Variants in WDR47 observed in about 807,000 individuals in gnomAD.
The protein encoded by WDR47 is WD repeat domain 47.
In WDR47, 32 loss-of-function variants were observed where a neutral mutation model predicts 97.2. The ratio of observed to expected loss-of-function variants is 0.33; its 90% CI spans 0.25 to 0.44. The LOEUF (loss-of-function observed/expected upper bound fraction) is 0.44, where lower values mean the gene tolerates loss of function less well. WDR47 is among the 20% of genes least tolerant of loss of function. WDR47 has a pLI of 1.00. For synonymous variants in WDR47, 375 were observed against 373.5 expected (o/e 1.00, Z -0.05); for missense variants, 782 against 1,102.3 (o/e 0.71, Z 4.11).
At chr1:108,986,060 T>C (rs1658775931) in intron 10 of WDR47, among the ~76,000 whole-genome samples, 1 of 150,464 alleles carries the variant, frequency 6.6e-6, no homozygotes, top group African/African-American at 2.4e-5. Context: ...TCTTAAGAGG[T>C]GTAAAAGAGT....
chr1:109,035,094 C>A (rs28566473), intron 1 of WDR47, among the ~76,000 whole-genome samples: 145,876 of 148,782 alleles, frequency 0.98, 71,556 homozygotes, highest in East Asian at 1. Flanking sequence ...AAAAAAAAAA[C>A]AATTAGCCAG....
chr1:108,992,901 G>C, intron 8 of WDR47: 1 of 1,182,808 alleles, frequency 8.5e-7, no homozygotes, highest in Non-Finnish European at 1.2e-6. Context: ...AAATAGAGGT[G>C]AGGAAATTGC....
At chr1:109,012,572 C>CAAA (rs57237933) in intron 4 of WDR47, among the ~76,000 whole-genome samples, 17,192 of 73,768 alleles carry the variant, frequency 0.23, 3,432 homozygotes, top group Middle Eastern at 0.33. Flanking sequence ...GACTCCATCT[C>CAAA]AAAAAAAAAA....
intron 2 of WDR47, among the ~76,000 whole-genome samples, chr1:109,020,873 C>T (rs1661786187): frequency 7.3e-6 from 1 of 137,904 alleles, no homozygotes; most frequent in Non-Finnish European, 1.5e-5. Context: ...TTTTCATAAG[C>T]TAGGAACACT....
At chr1:108,979,940 T>C (rs185238110) in intron 13 of WDR47, among the ~76,000 whole-genome samples, 1 of 152,252 alleles carries the variant, frequency 6.6e-6, no homozygotes, top group East Asian at 1.9e-4. Context: ...GAGTGACAAA[T>C]GAGTGAGCAT....
At chr1:108,985,976 CAA>C (rs35165386) in intron 10 of WDR47, among the ~76,000 whole-genome samples, 16 of 96,110 alleles carry the variant, frequency 1.7e-4, no homozygotes, top group Admixed American at 2.3e-4. Flanking sequence ...ATAGAGATAG[CAA>C]AAAAAAAAAA....
At chr1:109,016,377 G>C (rs938341591) in intron 3 of WDR47, among the ~76,000 whole-genome samples, 7 of 152,122 alleles carry the variant, frequency 4.6e-5, no homozygotes, top group Non-Finnish European at 2.9e-5. Flanking sequence ...ACTCCAGCCT[G>C]GGCAACAGAA....
chr1:109,026,917 T>C (rs571221838), intron 1 of WDR47, among the ~76,000 whole-genome samples: 6 of 152,122 alleles, frequency 3.9e-5, no homozygotes, highest in Non-Finnish European at 8.8e-5. Flanking sequence ...TACTGACAGT[T>C]GAAGGTAACA....
intron 13 of WDR47, among the ~76,000 whole-genome samples, chr1:108,975,925 A>C (rs996449993): frequency 2.6e-5 from 4 of 152,196 alleles, no homozygotes; most frequent in African/African-American, 9.7e-5. Context: ...TTAGAGGAAA[A>C]GTATAAAACA....
chr1:109,021,501 C>A (rs1432523557), intron 2 of WDR47, among the ~76,000 whole-genome samples: 1 of 134,260 alleles, frequency 7.4e-6, no homozygotes, highest in Non-Finnish European at 1.5e-5. Context: ...GCACCCCAGC[C>A]TAGGTGACAA....
chr1:108,972,775 G>A (rs1657566244), intron 14 of WDR47, among the ~76,000 whole-genome samples: 1 of 152,044 alleles, frequency 6.6e-6, no homozygotes, highest in Admixed American at 6.6e-5. Context: ...GTGAAACTCT[G>A]TCTCTACTAA....
At chr1:109,007,424 G>A (rs1459212370) in intron 5 of WDR47, among the ~76,000 whole-genome samples, 2 of 151,976 alleles carry the variant, frequency 1.3e-5, no homozygotes, top group Non-Finnish European at 2.9e-5. Context: ...GCCTCCCAAA[G>A]TGCTGGGATT....
At chr1:109,041,054 C>T (rs891841228) in intron 1 of WDR47, among the ~76,000 whole-genome samples, 3 of 151,780 alleles carry the variant, frequency 2.0e-5, no homozygotes, top group Non-Finnish European at 4.4e-5. Flanking sequence ...CGGTTACTAA[C>T]TGCACGTCTG....
chr1:108,989,694 G>A (rs1659167685), intron 9 of WDR47, among the ~76,000 whole-genome samples: 1 of 152,152 alleles, frequency 6.6e-6, no homozygotes, highest in African/African-American at 2.4e-5. Context: ...GTCCTCCAGA[G>A]TGTTTTAAAT....
intron 2 of WDR47, among the ~76,000 whole-genome samples, chr1:109,021,068 T>A (rs1661802445): frequency 6.6e-6 from 1 of 152,164 alleles, no homozygotes; most frequent in South Asian, 2.1e-4. Context: ...ATATTTGGTA[T>A]CTCATAAAAA....
intron 1 of WDR47, among the ~76,000 whole-genome samples, chr1:109,036,240 C>A (rs978874705): frequency 6.6e-6 from 1 of 152,024 alleles, no homozygotes; most frequent in African/African-American, 2.4e-5. Context: ...TTCCCACTCC[C>A]GTCATCCTCC....
intron 9 of WDR47, among the ~76,000 whole-genome samples, chr1:108,988,863 T>C (rs999525109): frequency 6.6e-6 from 1 of 152,084 alleles, no homozygotes; most frequent in African/African-American, 2.4e-5. Flanking sequence ...GTTCAAGCGA[T>C]TCTCCTGCCT....
rs931798231 is a variant in WDR47, at chr1:108,971,073, A to G, written c.*357T>C. 5.6e-6 allele frequency: 1 copy of G among 177,128 alleles called. No homozygotes were observed. Among genetic ancestry groups the G allele is most frequent in the African/African-American group, 2.4e-5 (1 of 42,548 alleles). The allele number at this position is 177,128 out of a possible 1,614,324, so 11.0% of individuals were successfully genotyped here. A position where few individuals can be genotyped will look rare whatever the true frequency, so the allele number is the denominator to read the frequency against. ...TATAGTTGAAGTATAATTCCATTTC[A>G]ATGTGCATATAAAACTGTTATTTAG... On this transcript the variant is annotated 3_prime_UTR_variant, in exon 15 of 15. Transcript: ENST00000369962.
intron 13 of WDR47, among the ~76,000 whole-genome samples, chr1:108,978,857 A>G (rs767972976): frequency 6.6e-6 from 1 of 152,222 alleles, no homozygotes; most frequent in African/African-American, 2.4e-5. Context: ...AGCATTTGTT[A>G]TAATGGTTGC....
Sources: gnomAD v4.1 joint callset for allele counts (sites outside exome capture counted in the v4.1 genomes callset) on GRCh38, gnomAD v4.1.1 for gene constraint, MANE v1.5 for transcripts, NCBI Gene and HGNC (gene_info 2026-07-23, HGNC 2026-07-21) for gene names.